The following RORA variants were observed in gnomAD, a reference collection of about 807,000 sequenced individuals.
RORA encodes RAR related orphan receptor A.
A neutral mutation model predicts 69.5 loss-of-function variants in RORA; 7 were observed. That is an observed-to-expected ratio of 0.10 (90% confidence interval 0.06 to 0.19). RORA has a LOEUF of 0.19. Ranked by LOEUF, RORA falls within the 10% of genes least tolerant of loss-of-function variation. RORA has a pLI of 1.00. For synonymous variants in RORA, 261 were observed against 240.8 expected, an observed-to-expected ratio of 1.08 and a Z score of -0.78; for missense variants, 457 against 663.0, an observed-to-expected ratio of 0.69 and a Z score of 3.41.
intron 1 of RORA, among the ~76,000 whole-genome samples, chr15:61,100,120 T>TC (rs1468897907): frequency 4.0e-4 from 60 of 149,284 alleles, no homozygotes; most frequent in African/African-American, 1.4e-3. Flanking sequence ...TTCTTTTTTT[T>TC]TTTTTTTTTT....
At chr15:60,597,082 T>C (rs2068682803) in intron 2 of RORA, among the ~76,000 whole-genome samples, 1 of 152,266 alleles carries the variant, frequency 6.6e-6, no homozygotes, top group South Asian at 2.1e-4. Context: ...AGGTGTAACA[T>C]GTCTGGTTGC....
intron 1 of RORA, among the ~76,000 whole-genome samples, chr15:61,180,391 A>G (rs1311283298): frequency 6.6e-6 from 1 of 152,198 alleles, no homozygotes; most frequent in Non-Finnish European, 1.5e-5. Context: ...ATTTAATACA[A>G]TTAAACTATG....
chr15:61,113,116 T>C (rs1156831927), intron 1 of RORA, among the ~76,000 whole-genome samples: 1 of 152,232 alleles, frequency 6.6e-6, no homozygotes, highest in African/African-American at 2.4e-5. Context: ...TGCATCTGGC[T>C]CCTGCTATGG....
intron 1 of RORA, among the ~76,000 whole-genome samples, chr15:60,850,771 G>T (rs1357153831): frequency 6.6e-6 from 1 of 152,108 alleles, no homozygotes; most frequent in South Asian, 2.1e-4. Context: ...CCCAGCCCAC[G>T]TCTTCCCTGC....
At chr15:60,844,329 T>A (rs1441314518) in intron 1 of RORA, among the ~76,000 whole-genome samples, 4 of 152,160 alleles carry the variant, frequency 2.6e-5, no homozygotes, top group Non-Finnish European at 5.9e-5. Flanking sequence ...AATTACTACT[T>A]TAAACTACAC....
At chr15:60,975,302 G>A (rs1210645710) in intron 1 of RORA, among the ~76,000 whole-genome samples, 3 of 152,122 alleles carry the variant, frequency 2.0e-5, no homozygotes, top group African/African-American at 7.2e-5. Context: ...CTTTAGAAGT[G>A]AGATCCGAAA....
chr15:61,137,019 A>AAAG (rs2079246634), intron 1 of RORA, among the ~76,000 whole-genome samples: 2 of 61,104 alleles, frequency 3.3e-5, no homozygotes, highest in Non-Finnish European at 6.7e-5. Context: ...AAATAAATAA[A>AAAG]AAAGAAAGAA....
rs143152937 is a variant in RORA, at chr15:61,064,071, G to A, written c.166+164982C>T. Among the ~76,000 whole-genome samples the A allele has an allele frequency of 2.0e-5, 3 of 152,302 alleles. No homozygotes were observed. The East Asian group carries it at 5.8e-4, about 29-fold the overall frequency. On this transcript the variant is annotated intron_variant, in intron 1 of 10. Coordinates refer to ENST00000335670, the MANE Select transcript of RORA (RefSeq NM_134261.3). ...ACAACATTCCAGAGTCAACCTCGAG[G>A]GCAGCTGTGATGGCAAAAGTCAACA...
intron 1 of RORA, among the ~76,000 whole-genome samples, chr15:60,730,244 G>A (rs1330171285): frequency 6.6e-6 from 1 of 152,120 alleles, no homozygotes; most frequent in Non-Finnish European, 1.5e-5. Context: ...CCTCCCACAC[G>A]GTTTCAGGTG....
In RORA at chr15:61,137,039, G is replaced by GAAAA. The variant is rs1400374044; in HGVS notation, c.166+92013_166+92014insTTTT. Among the ~76,000 whole-genome samples, 187 of 130,164 alleles carry GAAAA rather than the reference G, an allele frequency of 1.4e-3. 5 individuals carry two copies. The highest frequency in any genetic ancestry group is 5.8e-3 in the African/African-American group (179 of 31,034). The allele number at this position is 130,164 out of a possible 152,430, so 85.4% of individuals were successfully genotyped here. A position where few individuals can be genotyped will look rare whatever the true frequency, so the allele number is the denominator to read the frequency against. On this transcript the variant is annotated intron_variant, in intron 1 of 10. Coordinates refer to ENST00000335670, the MANE Select transcript of RORA (RefSeq NM_134261.3). Reference sequence around the variant, plus strand: ...AATAAAAAAGAAAGAAAGAAAGAAAGAAAGAAAGAAAGAAAGAAAGAAAGA... The same window carrying GAAAA: ...AATAAAAAAGAAAGAAAGAAAGAAAGAAAAAAAGAAAGAAAGAAAGAAAGAAAGA...
chr15:60,795,233 T>C (rs2072477126), intron 1 of RORA, among the ~76,000 whole-genome samples: 1 of 152,292 alleles, frequency 6.6e-6, no homozygotes, highest in African/African-American at 2.4e-5. Context: ...GAATTCAAAA[T>C]GGCAACCCGA....
intron 2 of RORA, among the ~76,000 whole-genome samples, chr15:60,648,199 G>A (rs1469949713): frequency 2.0e-5 from 3 of 152,210 alleles, no homozygotes; most frequent in Non-Finnish European, 4.4e-5. Flanking sequence ...GCAGATAAAT[G>A]AAAAATTGGA....
chr15:61,001,235 G>A (rs1257354562), intron 1 of RORA, among the ~76,000 whole-genome samples: 4 of 152,194 alleles, frequency 2.6e-5, no homozygotes, highest in African/African-American at 4.8e-5. Flanking sequence ...AGGAAACAAC[G>A]CTTTTGAAAA....
At chr15:60,543,791 G>T (rs1013356685) in intron 2 of RORA, among the ~76,000 whole-genome samples, 8 of 152,108 alleles carry the variant, frequency 5.3e-5, no homozygotes, top group Non-Finnish European at 1.0e-4. Context: ...TATTTGGCAG[G>T]GGCTGCAGCT....
chr15:60,756,427 G>A (rs1311045117), intron 1 of RORA, among the ~76,000 whole-genome samples: 1 of 152,166 alleles, frequency 6.6e-6, no homozygotes, highest in Non-Finnish European at 1.5e-5. Context: ...AGTAAAATTT[G>A]AAAAGTTTAT....
intron 10 of RORA, among the ~76,000 whole-genome samples, chr15:60,498,588 G>A (rs573054630): frequency 6.6e-6 from 1 of 152,202 alleles, no homozygotes; most frequent in South Asian, 2.1e-4. Context: ...ACCTCACAAA[G>A]GCAAACTGCT....
At chr15:60,995,898 C>T (rs188597287) in intron 1 of RORA, among the ~76,000 whole-genome samples, 214 of 152,260 alleles carry the variant, frequency 1.4e-3, no homozygotes, top group African/African-American at 3.6e-3. Flanking sequence ...AGGGGAAAAT[C>T]GTTTTCTTGC....
intron 1 of RORA, among the ~76,000 whole-genome samples, chr15:60,879,317 C>G (rs749391078): frequency 6.6e-6 from 1 of 151,548 alleles, no homozygotes; most frequent in Non-Finnish European, 1.5e-5. Flanking sequence ...TTAACCTTTC[C>G]AAACCTCAGT....
intron 1 of RORA, among the ~76,000 whole-genome samples, chr15:61,207,924 C>T (rs1024949913): frequency 1.3e-5 from 2 of 152,216 alleles, no homozygotes; most frequent in African/African-American, 2.4e-5. Flanking sequence ...ACAGCTAGTG[C>T]TTTCACATTA....
Sources: allele counts gnomAD v4.1 joint callset (sites outside exome capture counted in the v4.1 genomes callset), GRCh38; gene constraint gnomAD v4.1.1; transcripts MANE v1.5; gene names NCBI Gene and HGNC (gene_info 2026-07-23, HGNC 2026-07-21).